VWC2L: variants seen among roughly 807,000 people sequenced by gnomAD.
VWC2L encodes the protein von Willebrand factor C domain-containing protein 2-like.
In VWC2L, 10 loss-of-function variants were observed where a neutral mutation model predicts 21.6. The observed-to-expected ratio is 0.46, with a 90% CI of 0.29 to 0.78. The LOEUF is 0.78. Ranked by LOEUF, VWC2L falls within the 30% of genes least tolerant of loss-of-function variation. VWC2L has a pLI of 0.10. For missense variants in VWC2L, 209 were observed against 277.1 expected (o/e 0.75, Z 1.74); for synonymous variants, 96 against 94.3 (o/e 1.02, Z -0.10).
At chr2:214,466,251 A>G (rs377537090) in intron 3 of VWC2L, among the ~76,000 whole-genome samples, 30 of 152,234 alleles carry the variant, frequency 2.0e-4, no homozygotes, top group African/African-American at 6.5e-4. Flanking sequence ...TACTTTCACT[A>G]GTGTAAAATT....
rs375125741 is a variant in VWC2L at position 214,521,769 on chromosome 2, G to C, written c.521-53903G>C. On this transcript the variant is annotated intron_variant, in intron 3 of 3. Transcript: ENST00000312504. ...ACCATACCACATGGGTAACTGCCTA[G>C]CTCAGCACACATCATCTTGGCTTTG... 2.2e-4 allele frequency among the ~76,000 whole-genome samples: 34 copies of C among 152,314 alleles called. 1 individual carries two copies. Among genetic ancestry groups the C allele is most frequent in the African/African-American group, 7.2e-4 (30 of 41,560 alleles).
Position 214,439,457 on chromosome 2 carries a change from A to G in VWC2L, c.520+2699A>G, listed in dbSNP as rs1702729099. ...AAAAGCAACAATAAGCTAAAAATATATACTATGGATTCAAGGTAGATGCAA... is the reference window on the plus strand; with the variant it reads ...AAAAGCAACAATAAGCTAAAAATATGTACTATGGATTCAAGGTAGATGCAA... On this transcript the variant is annotated intron_variant, in intron 3 of 3. Transcript: ENST00000312504. Among the ~76,000 whole-genome samples the G allele has an allele frequency of 3.3e-5, 5 of 151,998 alleles. No individual in the cohort carries two copies. In the South Asian group the frequency reaches 1.0e-3, roughly 31 times the overall value.
chr2:214,459,436 G>C (rs1226695210), intron 3 of VWC2L, among the ~76,000 whole-genome samples: 1 of 152,134 alleles, frequency 6.6e-6, no homozygotes, highest in Non-Finnish European at 1.5e-5. Flanking sequence ...ATTATTTTCA[G>C]ATTGCTTTGT....
chr2:214,482,095 G>A lies in VWC2L; in HGVS notation c.520+45337G>A, dbSNP rs74871496. On this transcript the variant is annotated intron_variant, in intron 3 of 3. Transcript: ENST00000312504. ...GATTGAAACATTGGCAAAAATATAC[G>A]AAAATAAATGCAGCCACACTAAACA... 9.1e-3 allele frequency among the ~76,000 whole-genome samples: 1,387 copies of A among 152,120 alleles called. 24 individuals are homozygous for A. Among genetic ancestry groups the A allele is most frequent in the African/African-American group, 0.032 (1,317 of 41,486 alleles).
intron 3 of VWC2L, among the ~76,000 whole-genome samples, chr2:214,450,613 G>A (rs1702939360): frequency 6.6e-6 from 1 of 152,200 alleles, no homozygotes; most frequent in Admixed American, 6.5e-5. Flanking sequence ...GTTGGAATAT[G>A]GGGAAGAGCA....
At chr2:214,549,267 G>C (rs1689755738) in intron 3 of VWC2L, among the ~76,000 whole-genome samples, 1 of 152,178 alleles carries the variant, frequency 6.6e-6, no homozygotes. Context: ...ACCATGTAAG[G>C]TGACATATTT....
At position 214,472,575 on chromosome 2, in the gene VWC2L, C is replaced by A. The variant is rs926366397; in HGVS notation, c.520+35817C>A. ...ATGTTCAACTCATACATGATAAGAA[C>A]CACCTTTGAATACAAGAAATCTTGA... On this transcript the variant is annotated intron_variant, in intron 3 of 3. Coordinates refer to ENST00000312504, the MANE Select transcript of VWC2L (RefSeq NM_001080500.4). Among the ~76,000 whole-genome samples, 3 of 152,092 alleles carry A rather than the reference C, an allele frequency of 2.0e-5. No individual in the cohort carries two copies. The South Asian group carries it at 6.2e-4, about 32-fold the overall frequency.
intron 3 of VWC2L, among the ~76,000 whole-genome samples, chr2:214,494,680 T>G (rs1559307908): frequency 6.6e-6 from 1 of 152,176 alleles, no homozygotes; most frequent in Non-Finnish European, 1.5e-5. Flanking sequence ...TTAAAGTTTA[T>G]CAGAATTAAG....
At chr2:214,550,975 C>T (rs1312737085) in intron 3 of VWC2L, among the ~76,000 whole-genome samples, 5 of 152,154 alleles carry the variant, frequency 3.3e-5, no homozygotes, top group African/African-American at 4.8e-5. Flanking sequence ...CCTCTAGTTC[C>T]ATTTATGAAC....
chr2:214,497,389 C>A (rs772382293), intron 3 of VWC2L, among the ~76,000 whole-genome samples: 2 of 152,134 alleles, frequency 1.3e-5, no homozygotes, highest in East Asian at 3.8e-4. Flanking sequence ...TTCAAACTAT[C>A]CTCTCTTGCC....
At chr2:214,487,575 A>G (rs1688687978) in intron 3 of VWC2L, among the ~76,000 whole-genome samples, 1 of 152,224 alleles carries the variant, frequency 6.6e-6, no homozygotes, top group South Asian at 2.1e-4. Context: ...CAGGTAAGGC[A>G]TTCAAGAGGG....
At chr2:214,538,727 T>C (rs1689580431) in intron 3 of VWC2L, among the ~76,000 whole-genome samples, 1 of 151,874 alleles carries the variant, frequency 6.6e-6, no homozygotes, top group East Asian at 1.9e-4. Flanking sequence ...GAATATTTTT[T>C]CTACCTTCTC....
chr2:214,474,999 G>C (rs1688489762), intron 3 of VWC2L, among the ~76,000 whole-genome samples: 1 of 152,100 alleles, frequency 6.6e-6, no homozygotes, highest in African/African-American at 2.4e-5. Flanking sequence ...TAGGAATCTG[G>C]TTTGGGACAA....
chr2:214,473,974 C>A (rs1476513914), intron 3 of VWC2L, among the ~76,000 whole-genome samples: 1 of 151,936 alleles, frequency 6.6e-6, no homozygotes, highest in African/African-American at 2.4e-5. Context: ...CAAACAAGTT[C>A]CCTTATACTG....
rs149788383 is a variant in VWC2L, at chr2:214,447,018, A to G, written c.520+10260A>G. Among the ~76,000 whole-genome samples, 60 of 152,216 alleles carry G rather than the reference A, an allele frequency of 3.9e-4. No individual in the cohort carries two copies. The East Asian group carries it at 0.012, about 29-fold the overall frequency. On this transcript the variant is annotated intron_variant, in intron 3 of 3. Transcript: ENST00000312504. ...CTCTCTTCATTTACGGTTTTTATAG[A>G]ATATTCCTGATTTCTAGGATTGTAG...
chr2:214,508,860 A>G (rs1288497725), intron 3 of VWC2L, among the ~76,000 whole-genome samples: 1 of 152,022 alleles, frequency 6.6e-6, no homozygotes, highest in Non-Finnish European at 1.5e-5. Flanking sequence ...TTTACTGTGG[A>G]AGTTCTGACC....
Position 214,575,728 on chromosome 2 carries a change from G to T in VWC2L, c.577G>T (p.Asp193Tyr). ...IIPAGIEVKVDECNICHCHNG... is the reference protein window; with the variant it reads ...IIPAGIEVKVYECNICHCHNG... Reference sequence around the variant, plus strand: ...TCCAGCTGGCATTGAAGTGAAAGTGGACGAATGTAACATCTGTCATTGTCA... The same window carrying T: ...TCCAGCTGGCATTGAAGTGAAAGTGTACGAATGTAACATCTGTCATTGTCA... Residue 193 changes from aspartate (D) to tyrosine (Y), a missense_variant, in exon 4 of 4, where the codon GAC (aspartate) becomes TAC (tyrosine). Asp to Tyr is a radical substitution (Grantham distance 160, BLOSUM62 -3). Coordinates refer to ENST00000312504, the MANE Select transcript of VWC2L (RefSeq NM_001080500.4). The T allele has an allele frequency of 6.2e-7, 1 of 1,613,530 alleles. No individual in the cohort carries two copies. Among genetic ancestry groups the T allele is most frequent in the Non-Finnish European group, 8.5e-7 (1 of 1,179,554 alleles).
intron 2 of VWC2L, among the ~76,000 whole-genome samples, chr2:214,419,307 A>G (rs1000420075): frequency 5.9e-5 from 9 of 152,192 alleles, no homozygotes; most frequent in African/African-American, 1.9e-4. Context: ...AAGCATATAA[A>G]TAATACATTA....
chr2:214,458,930 G>A (rs1703094166), intron 3 of VWC2L, among the ~76,000 whole-genome samples: 1 of 152,152 alleles, frequency 6.6e-6, no homozygotes, highest in South Asian at 2.1e-4. Context: ...TGTCTGTTAG[G>A]TCCATTTGGT....
Sources: allele counts gnomAD v4.1 joint callset (sites outside exome capture counted in the v4.1 genomes callset), GRCh38; gene constraint gnomAD v4.1.1; transcripts MANE v1.5; gene names NCBI Gene and HGNC (gene_info 2026-07-23, HGNC 2026-07-21).